PTGR1: variants seen among roughly 807,000 people sequenced by gnomAD.
PTGR1 encodes 15-oxoprostaglandin 13-reductase.
A neutral mutation model predicts 37.7 loss-of-function variants in PTGR1; 23 were observed. The observed-to-expected ratio is 0.61, with a 90% CI of 0.44 to 0.86. PTGR1 has a LOEUF of 0.86. Ranked by LOEUF, PTGR1 falls within the 40% of genes least tolerant of loss-of-function variation. The pLI, the probability that PTGR1 is intolerant of heterozygous loss-of-function variation, is 0.00. For synonymous variants in PTGR1, 134 were observed against 140.0 expected (o/e 0.96, Z 0.30); for missense variants, 351 against 394.3 (o/e 0.89, Z 0.93).
chr9:111,561,610 G>T (rs1200796560), downstream of PTGR1, among the ~76,000 whole-genome samples: 1 of 152,098 alleles, frequency 6.6e-6, no homozygotes, highest in East Asian at 1.9e-4. Flanking sequence ...GCACATTTTT[G>T]TAGATGTATA....
chr9:111,594,845 C>T (rs140147169), intron 2 of PTGR1, among the ~76,000 whole-genome samples: 6 of 141,586 alleles, frequency 4.2e-5, no homozygotes, highest in East Asian at 2.2e-4. Context: ...CCACTGCGAC[C>T]GGCCTCTTTT....
intron 6 of PTGR1, among the ~76,000 whole-genome samples, chr9:111,582,827 C>G (rs1829323087): frequency 6.6e-6 from 1 of 152,200 alleles, no homozygotes; most frequent in South Asian, 2.1e-4. Flanking sequence ...CCCCTAGGAC[C>G]TAGGTCCTGA....
chr9:111,599,032 T>G (rs1426921563), intron 1 of PTGR1, among the ~76,000 whole-genome samples: 1 of 152,072 alleles, frequency 6.6e-6, no homozygotes, highest in Non-Finnish European at 1.5e-5. Context: ...TTCACACATC[T>G]TTGTCCCTTT....
intron 9 of PTGR1, among the ~76,000 whole-genome samples, chr9:111,567,104 C>T (rs73535452): frequency 0.1 from 15,718 of 150,946 alleles, 1,223 homozygotes; most frequent in African/African-American, 0.22. Context: ...CAAAAAAAGT[C>T]GGGGGGCGTG....
Position 111,563,162 on chromosome 9 carries a change from G to C in PTGR1, c.949C>G (p.Leu317Val). The C allele has an allele frequency of 6.2e-7, 1 of 1,613,678 alleles. No individual in the cohort carries two copies. The highest frequency in any genetic ancestry group is 8.5e-7 in the Non-Finnish European group (1 of 1,179,820). Residue 317 changes from leucine (L) to valine (V), a missense_variant, in exon 10 of 10, where the codon CTG (leucine) becomes GTG (valine). Physicochemically the swap from Leu to Val is conservative, Grantham distance 32 (BLOSUM62 1). Transcript: ENST00000407693. ...ENMPAAFMGM[L>V]KGDNLGKTIV... ...GTCTTCCCCAAATTATCTCCTTTCA[G>C]CATTCCCATAAATGCAGCTGGCATG...
intron 9 of PTGR1, among the ~76,000 whole-genome samples, chr9:111,555,252 G>A (rs1286382916): frequency 6.6e-6 from 1 of 152,120 alleles, no homozygotes; most frequent in African/African-American, 2.4e-5. Flanking sequence ...TGTGGGAATT[G>A]TGGTGAATTG....
At chr9:111,584,843 A>C (rs942363421) in intron 5 of PTGR1, among the ~76,000 whole-genome samples, 3 of 152,210 alleles carry the variant, frequency 2.0e-5, no homozygotes, top group African/African-American at 7.2e-5. Context: ...TTAAATTTGA[A>C]ATGATGTGAG....
downstream of PTGR1, among the ~76,000 whole-genome samples, chr9:111,561,120 G>T (rs1450941616): frequency 4.3e-4 from 24 of 55,814 alleles, no homozygotes; most frequent in African/African-American, 7.0e-4. Flanking sequence ...TAGAGAGAGA[G>T]AGAGAGAGAG....
At position 111,564,794 on chromosome 9, in the gene PTGR1, A is replaced by G. The variant is rs538910193; in HGVS notation, c.880-1563T>C. 2.6e-5 allele frequency among the ~76,000 whole-genome samples: 4 copies of G among 152,120 alleles called. No individual in the cohort carries two copies. The East Asian group carries it at 7.8e-4, about 29-fold the overall frequency. ...AAGTCCTAATCACCAGTGCCTGACAATGGGACTATATTTGGAGATAGGGCT... is the reference window on the plus strand; with the variant it reads ...AAGTCCTAATCACCAGTGCCTGACAGTGGGACTATATTTGGAGATAGGGCT... On this transcript the variant is annotated intron_variant, in intron 9 of 9. Coordinates refer to ENST00000407693, the MANE Select transcript of PTGR1 (RefSeq NM_001146108.2).
intron 1 of PTGR1, among the ~76,000 whole-genome samples, chr9:111,597,946 C>A (rs1279807746): frequency 6.6e-6 from 1 of 151,862 alleles, no homozygotes; most frequent in Non-Finnish European, 1.5e-5. Flanking sequence ...TCTCAGAACT[C>A]CTGAAAACCA....
At chr9:111,580,052 G>GC (rs1564617933) in intron 6 of PTGR1, among the ~76,000 whole-genome samples, 1 of 152,124 alleles carries the variant, frequency 6.6e-6, no homozygotes, top group African/African-American at 2.4e-5. Flanking sequence ...AAAAACTATT[G>GC]CAAGAGAGCC....
At chr9:111,597,283 C>T (rs752985244) in intron 2 of PTGR1, 34 bp downstream of exon 2, 1 of 1,502,236 alleles carries the variant, frequency 6.7e-7, no homozygotes, top group Non-Finnish European at 9.2e-7. Context: ...GATACAGTCC[C>T]TTCCAACTCT....
chr9:111,574,825 T>C lies in PTGR1; in HGVS notation c.669A>G (p.Ser223=). Residue 223 remains serine (S), a synonymous_variant, in exon 8 of 10, where the codon TCA becomes TCG. Transcript: ENST00000407693. ...CYFDNVGGEF[S]NTVIGQMKKF... Reference sequence around the variant, plus strand: ...TCTTCATCTGGCCGATAACAGTGTTTGAAAACTCTCCACCTACCTAAACAG... The same window carrying C: ...TCTTCATCTGGCCGATAACAGTGTTCGAAAACTCTCCACCTACCTAAACAG... 6.2e-7 allele frequency: 1 copy of C among 1,613,656 alleles called. No homozygotes were observed. The highest frequency in any genetic ancestry group is 1.1e-5 in the South Asian group (1 of 91,040).
downstream of PTGR1, among the ~76,000 whole-genome samples, chr9:111,561,368 T>C (rs1828317949): frequency 6.6e-6 from 1 of 151,892 alleles, no homozygotes; most frequent in South Asian, 2.1e-4. Context: ...CTCAGACTCC[T>C]GGTCTCAAGT....
intron 4 of PTGR1, among the ~76,000 whole-genome samples, chr9:111,591,297 C>CA (rs35773863): frequency 1.8e-4 from 21 of 119,866 alleles, no homozygotes; most frequent in South Asian, 2.6e-4. Context: ...GACTCCGTCT[C>CA]AAAAAAAAAA....
intron 9 of PTGR1, 151 bp from the exon 10 acceptor site, chr9:111,563,382 G>A (rs1828398658): frequency 1.4e-6 from 1 of 712,286 alleles, no homozygotes; most frequent in Non-Finnish European, 2.2e-6. Context: ...TGAAGTCAAG[G>A]TGGGGCAAGA....
At chr9:111,569,009 C>CTAG (rs1828695576) in intron 9 of PTGR1, among the ~76,000 whole-genome samples, 1 of 152,188 alleles carries the variant, frequency 6.6e-6, no homozygotes, top group Non-Finnish European at 1.5e-5. Context: ...GATTGAGAAA[C>CTAG]TAGAAGTATA....
At chr9:111,590,006 A>G (rs1274373025) in intron 4 of PTGR1, among the ~76,000 whole-genome samples, 1 of 152,234 alleles carries the variant, frequency 6.6e-6, no homozygotes, top group Non-Finnish European at 1.5e-5. Flanking sequence ...AAGGACCATA[A>G]TTATAAATAC....
intron 2 of PTGR1, among the ~76,000 whole-genome samples, chr9:111,596,942 A>AG (rs1462226577): frequency 6.6e-6 from 1 of 151,344 alleles, no homozygotes; most frequent in Non-Finnish European, 1.5e-5. Flanking sequence ...AAAAAAAAAA[A>AG]AAAAAAGAGA....
Sources: allele counts gnomAD v4.1 joint callset (sites outside exome capture counted in the v4.1 genomes callset), GRCh38; gene constraint gnomAD v4.1.1; transcripts MANE v1.5; gene names NCBI Gene and HGNC (gene_info 2026-07-23, HGNC 2026-07-21).